TWIST2: variants seen among roughly 807,000 people sequenced by gnomAD.
TWIST2 encodes the protein twist family bHLH transcription factor 2, also known as twist-related protein 2.
Under a neutral mutation model 11.6 loss-of-function variants are expected in TWIST2, and 1 was observed. That is an observed-to-expected ratio of 0.09 (90% CI 0.03 to 0.41). The LOEUF (loss-of-function observed/expected upper bound fraction) is 0.41, where lower values mean the gene tolerates loss of function less well. Among genes scored for constraint, TWIST2 ranks in the 10% least tolerant of loss-of-function variants. The probability of loss-of-function intolerance (pLI) is 0.98; values close to 1 mark genes in which losing one functional copy is unlikely to be tolerated. For synonymous variants in TWIST2, 87 were observed against 96.6 expected, an observed-to-expected ratio of 0.90 and a Z score of 0.58; for missense variants, 168 against 226.4, an observed-to-expected ratio of 0.74 and a Z score of 1.66.
chr2:238,887,308 G>T, intron 1 of TWIST2: 1 of 152,204 alleles, frequency 6.6e-6, no homozygotes. Flanking sequence ...TGTTGATGTA[G>T]GTCAGTTAAG....
chr2:238,883,954 C>T (rs1161336312), intron 1 of TWIST2, among the ~76,000 whole-genome samples: 2 of 152,146 alleles, frequency 1.3e-5, no homozygotes, highest in African/African-American at 4.8e-5. Context: ...TCCGTCCTTC[C>T]TTCTCCTCTG....
chr2:238,854,016 G>A (rs1324515956), intron 1 of TWIST2, among the ~76,000 whole-genome samples: 1 of 152,126 alleles, frequency 6.6e-6, no homozygotes, highest in Non-Finnish European at 1.5e-5. Flanking sequence ...ATTTGACCAG[G>A]GAAAGATTCA....
chr2:238,891,607 G>A (rs1693135455), intron 1 of TWIST2, among the ~76,000 whole-genome samples: 1 of 152,158 alleles, frequency 6.6e-6, no homozygotes, highest in Non-Finnish European at 1.5e-5. Context: ...ACAGGGGGAC[G>A]GTTTCCCCCA....
intron 1 of TWIST2, among the ~76,000 whole-genome samples, chr2:238,869,681 T>C (rs997743749): frequency 1.3e-5 from 2 of 152,362 alleles, no homozygotes; most frequent in South Asian, 2.1e-4. Flanking sequence ...TGCCTACTCA[T>C]GCCTGCAGTC....
intron 1 of TWIST2, among the ~76,000 whole-genome samples, chr2:238,878,497 C>A (rs1321771202): frequency 1.3e-5 from 2 of 152,152 alleles, no homozygotes; most frequent in Non-Finnish European, 2.9e-5. Context: ...AATCTGCAGA[C>A]CCATTCGGCA....
At chr2:238,873,465 G>A (rs142047071) in intron 1 of TWIST2, among the ~76,000 whole-genome samples, 232 of 152,282 alleles carry the variant, frequency 1.5e-3, no homozygotes, top group African/African-American at 5.2e-3. Flanking sequence ...GATTAGGTGC[G>A]CAGAGCCTGG....
At chr2:238,857,585 G>A (rs1017112992) in intron 1 of TWIST2, among the ~76,000 whole-genome samples, 5 of 151,834 alleles carry the variant, frequency 3.3e-5, no homozygotes, top group Admixed American at 2.0e-4. Flanking sequence ...CGACCATCTT[G>A]TCTGTCTCGT....
At chr2:238,858,477 C>T (rs980735836) in intron 1 of TWIST2, among the ~76,000 whole-genome samples, 1 of 152,088 alleles carries the variant, frequency 6.6e-6, no homozygotes, top group South Asian at 2.1e-4. Flanking sequence ...AAGCTAGCTC[C>T]CCAAGTGACT....
At chr2:238,860,124 C>T (rs894778839) in intron 1 of TWIST2, among the ~76,000 whole-genome samples, 6 of 152,196 alleles carry the variant, frequency 3.9e-5, no homozygotes, top group African/African-American at 9.7e-5. Context: ...TCTGCCCGCT[C>T]GGTGGACCGC....
At chr2:238,860,020 G>T (rs930444589) in intron 1 of TWIST2, among the ~76,000 whole-genome samples, 1 of 152,158 alleles carries the variant, frequency 6.6e-6, no homozygotes, top group African/African-American at 2.4e-5. Context: ...TCTGTAGTGG[G>T]GGAGTCTGGT....
intron 1 of TWIST2, among the ~76,000 whole-genome samples, chr2:238,905,846 TGTGTGTGTGCGTGTGTGTGCGTGC>T (rs1693333468): frequency 1.4e-5 from 1 of 73,938 alleles, no homozygotes; most frequent in Non-Finnish European, 3.5e-5. Flanking sequence ...AAAAAGTGTG[TGTGTGTGTGCGTGTGTGTGCGTGC>T]GTGTGTGTGC....
chr2:238,873,500 G>A (rs1692747447), intron 1 of TWIST2, among the ~76,000 whole-genome samples: 1 of 152,202 alleles, frequency 6.6e-6, no homozygotes. Flanking sequence ...GTTGGGAGTG[G>A]GCAGGGGGAT....
chr2:238,859,239 G>A (rs1424178050), intron 1 of TWIST2, among the ~76,000 whole-genome samples: 1 of 150,420 alleles, frequency 6.6e-6, no homozygotes, highest in Non-Finnish European at 1.5e-5. Flanking sequence ...AGTGTAATAT[G>A]TGCTACAGCA....
At chr2:238,856,143 T>C (rs1326285049) in intron 1 of TWIST2, among the ~76,000 whole-genome samples, 2 of 151,986 alleles carry the variant, frequency 1.3e-5, no homozygotes, top group African/African-American at 4.8e-5. Flanking sequence ...GGAGAGAGCT[T>C]ATCTTGAGGT....
chr2:238,849,642 G>T (rs959096808), intron 1 of TWIST2, among the ~76,000 whole-genome samples: 1 of 152,226 alleles, frequency 6.6e-6, no homozygotes, highest in East Asian at 1.9e-4. Context: ...GGCTGTGCGC[G>T]CCGGGCCCTG....
intron 1 of TWIST2, among the ~76,000 whole-genome samples, chr2:238,908,377 C>T (rs1693392480): frequency 6.6e-6 from 1 of 150,636 alleles, no homozygotes; most frequent in Non-Finnish European, 1.5e-5. Context: ...CAAACACAAA[C>T]CACATGCACC....
chr2:238,885,293 C>T (rs572662216), intron 1 of TWIST2, among the ~76,000 whole-genome samples: 1 of 152,354 alleles, frequency 6.6e-6, no homozygotes, highest in African/African-American at 2.4e-5. Flanking sequence ...CAGTGCCACA[C>T]AGTACCTGGC....
intron 1 of TWIST2, among the ~76,000 whole-genome samples, chr2:238,883,395 C>CA (rs1396474950): frequency 1.3e-5 from 2 of 152,206 alleles, no homozygotes; most frequent in Non-Finnish European, 2.9e-5. Context: ...AAAATCCACT[C>CA]AGCTTGCTGC....
At chr2:238,875,557 G>A (rs1230240671) in intron 1 of TWIST2, among the ~76,000 whole-genome samples, 1 of 152,194 alleles carries the variant, frequency 6.6e-6, no homozygotes, top group Non-Finnish European at 1.5e-5. Flanking sequence ...GCTTTGTTGG[G>A]AAGCTATGCA....
Sources: gnomAD v4.1 joint callset for allele counts (sites outside exome capture counted in the v4.1 genomes callset) on GRCh38, gnomAD v4.1.1 for gene constraint, MANE v1.5 for transcripts, NCBI Gene and HGNC (gene_info 2026-07-23, HGNC 2026-07-21) for gene names.